Variants in MSRA observed in about 807,000 individuals in gnomAD.
MSRA encodes mitochondrial peptide methionine sulfoxide reductase.
In MSRA, 54 loss-of-function variants were observed where a neutral mutation model predicts 31.3. That is an observed-to-expected ratio of 1.73 (90% confidence interval 1.39 to 2.17). The LOEUF (loss-of-function observed/expected upper bound fraction) is 2.17, where lower values mean the gene tolerates loss of function less well. Ranked by LOEUF, MSRA falls within the 30% of genes most tolerant of loss-of-function variation. The pLI is 0.00. For synonymous variants in MSRA, 169 were observed against 116.5 expected, an observed-to-expected ratio of 1.45 and a Z score of -2.90; for missense variants, 507 against 300.9, an observed-to-expected ratio of 1.69 and a Z score of -5.07.
chr8:10,360,131 T>C (rs1298338457), intron 5 of MSRA, among the ~76,000 whole-genome samples: 1 of 152,208 alleles, frequency 6.6e-6, no homozygotes, highest in East Asian at 1.9e-4. Flanking sequence ...CGTGTGCTGC[T>C]GCTGCTGGAG....
intron 1 of MSRA, among the ~76,000 whole-genome samples, chr8:10,100,228 A>G (rs1799441973): frequency 6.6e-6 from 1 of 152,116 alleles, no homozygotes; most frequent in Non-Finnish European, 1.5e-5. Flanking sequence ...TTCATGTTGA[A>G]CATCGTCTTT....
chr8:10,237,491 C>T (rs1269977424), intron 2 of MSRA, among the ~76,000 whole-genome samples: 1 of 152,122 alleles, frequency 6.6e-6, no homozygotes, highest in African/African-American at 2.4e-5. Context: ...CAATAAAATT[C>T]TATTTAAAAA....
At chr8:10,172,226 C>G (rs1805654987) in intron 1 of MSRA, among the ~76,000 whole-genome samples, 1 of 152,124 alleles carries the variant, frequency 6.6e-6, no homozygotes, top group Non-Finnish European at 1.5e-5. Context: ...GTGTGTCACC[C>G]TGCATGGGGT....
At chr8:10,103,914 C>G (rs1310207798) in intron 1 of MSRA, among the ~76,000 whole-genome samples, 1 of 151,940 alleles carries the variant, frequency 6.6e-6, no homozygotes, top group Non-Finnish European at 1.5e-5. Context: ...GTGTAGAACA[C>G]TTTCATGCAC....
At chr8:10,266,527 C>T (rs1368954741) in intron 3 of MSRA, among the ~76,000 whole-genome samples, 1 of 151,966 alleles carries the variant, frequency 6.6e-6, no homozygotes, top group Non-Finnish European at 1.5e-5. Flanking sequence ...TTATCTGAGT[C>T]TGTGGCTTGT....
intron 5 of MSRA, among the ~76,000 whole-genome samples, chr8:10,362,913 A>C (rs1804937267): frequency 6.6e-6 from 1 of 150,928 alleles, no homozygotes; most frequent in South Asian, 2.1e-4. Flanking sequence ...TCCCTAATAC[A>C]CTCAACTGCT....
At chr8:10,133,899 C>T (rs1057339597) in intron 1 of MSRA, among the ~76,000 whole-genome samples, 3 of 152,186 alleles carry the variant, frequency 2.0e-5, no homozygotes, top group East Asian at 1.9e-4. Flanking sequence ...GTCACAATCT[C>T]GGCTCACTGT....
At chr8:10,225,417 C>A (rs1810907555) in intron 2 of MSRA, among the ~76,000 whole-genome samples, 1 of 152,164 alleles carries the variant, frequency 6.6e-6, no homozygotes, top group African/African-American at 2.4e-5. Flanking sequence ...AGGGCCTGGT[C>A]TTGGATTACT....
chr8:10,175,227 C>A (rs555117672), intron 1 of MSRA, among the ~76,000 whole-genome samples: 1 of 152,166 alleles, frequency 6.6e-6, no homozygotes, highest in Non-Finnish European at 1.5e-5. Flanking sequence ...ACCTTCCCAG[C>A]CTGTCTCGGT....
At chr8:10,068,270 G>C (rs201831135) in intron 1 of MSRA, among the ~76,000 whole-genome samples, 1 of 152,074 alleles carries the variant, frequency 6.6e-6, no homozygotes, top group Admixed American at 6.6e-5. Flanking sequence ...CCTGTGGCTT[G>C]TCTTCTTATC....
intron 1 of MSRA, among the ~76,000 whole-genome samples, chr8:10,085,510 T>C (rs1415593635): frequency 6.6e-6 from 1 of 152,198 alleles, no homozygotes; most frequent in Non-Finnish European, 1.5e-5. Flanking sequence ...GGGGACAGTG[T>C]CTTAGTCATC....
At chr8:10,326,872 G>C (rs1005766043) in intron 5 of MSRA, among the ~76,000 whole-genome samples, 1 of 152,200 alleles carries the variant, frequency 6.6e-6, no homozygotes, top group Non-Finnish European at 1.5e-5. Context: ...CTCCGGTAGA[G>C]TGAGGGTGGT....
At chr8:10,384,159 G>T (rs546768032) in intron 5 of MSRA, among the ~76,000 whole-genome samples, 1 of 152,326 alleles carries the variant, frequency 6.6e-6, no homozygotes, top group East Asian at 1.9e-4. Context: ...GACGTATAGG[G>T]CTTTGCCACC....
intron 5 of MSRA, among the ~76,000 whole-genome samples, chr8:10,418,844 A>AAAAAAAAAAAAAAAACAAC (rs1808639971): frequency 3.9e-4 from 1 of 2,554 alleles, no homozygotes; most frequent in Admixed American, 0.017. Flanking sequence ...AAAAACCAAC[A>AAAAAAAAAAAAAAAACAAC]AAAAAAAAAA....
intron 5 of MSRA, among the ~76,000 whole-genome samples, chr8:10,327,563 C>T (rs1024898535): frequency 6.6e-6 from 1 of 152,084 alleles, no homozygotes; most frequent in African/African-American, 2.4e-5. Flanking sequence ...TCAGTTAAGC[C>T]CTGACAAATT....
At chr8:10,085,341 G>A (rs1420876055) in intron 1 of MSRA, among the ~76,000 whole-genome samples, 1 of 152,172 alleles carries the variant, frequency 6.6e-6, no homozygotes, top group Non-Finnish European at 1.5e-5. Context: ...CCCAGTGCCT[G>A]GCTCCAGGCC....
chr8:10,282,767 C>G (rs778891565), intron 3 of MSRA, among the ~76,000 whole-genome samples: 4 of 152,278 alleles, frequency 2.6e-5, no homozygotes, highest in South Asian at 4.1e-4. Flanking sequence ...ATACCTTCCA[C>G]TCTTATCAGT....
At chr8:10,234,177 G>A (rs547962035) in intron 2 of MSRA, among the ~76,000 whole-genome samples, 3 of 152,210 alleles carry the variant, frequency 2.0e-5, no homozygotes, top group South Asian at 2.1e-4. Context: ...GTAAGATGAA[G>A]AATTAAAGGA....
chr8:10,347,028 C>G (rs1803822316), intron 5 of MSRA, among the ~76,000 whole-genome samples: 3 of 152,298 alleles, frequency 2.0e-5, no homozygotes, highest in Middle Eastern at 6.8e-3. Context: ...TTTCCACACC[C>G]CATCATTCTG....
Sources: gnomAD v4.1 joint callset for allele counts (sites outside exome capture counted in the v4.1 genomes callset) on GRCh38, gnomAD v4.1.1 for gene constraint, MANE v1.5 for transcripts, NCBI Gene and HGNC (gene_info 2026-07-23, HGNC 2026-07-21) for gene names.